Variants in CHRM3 observed in about 807,000 individuals in gnomAD.
CHRM3 encodes cholinergic receptor muscarinic 3.
Under a neutral mutation model 41.8 loss-of-function variants are expected in CHRM3, and 11 were observed. The observed-to-expected ratio is 0.26, with a 90% CI of 0.17 to 0.44. The LOEUF (loss-of-function observed/expected upper bound fraction) is 0.44. Ranked by LOEUF, CHRM3 falls within the 20% of genes least tolerant of loss-of-function variation. CHRM3 has a pLI of 1.00. For synonymous variants in CHRM3, 297 were observed against 301.4 expected (o/e 0.99, Z 0.15); for missense variants, 571 against 745.4 (o/e 0.77, Z 2.72).
intron 3 of CHRM3, among the ~76,000 whole-genome samples, chr1:239,548,564 T>C (rs1659510130): frequency 6.6e-6 from 1 of 152,250 alleles, no homozygotes; most frequent in South Asian, 2.1e-4. Context: ...TCAGCCTTTA[T>C]AGATTTTTCC....
At chr1:239,398,595 A>G (rs1455563140) in intron 1 of CHRM3, among the ~76,000 whole-genome samples, 1 of 152,182 alleles carries the variant, frequency 6.6e-6, no homozygotes, top group Non-Finnish European at 1.5e-5. Context: ...GTCCATTGGT[A>G]TAGTTAATAT....
intron 6 of CHRM3, among the ~76,000 whole-genome samples, chr1:239,881,305 A>AAAAAAAAAAT: frequency 6.6e-6 from 1 of 150,392 alleles, no homozygotes; most frequent in Non-Finnish European, 1.5e-5. Flanking sequence ...AAAAAAAAAA[A>AAAAAAAAAAT]AGAATACAAT....
chr1:239,880,577 C>A (rs1425093109), intron 6 of CHRM3, among the ~76,000 whole-genome samples: 1 of 152,182 alleles, frequency 6.6e-6, no homozygotes, highest in Admixed American at 6.5e-5. Context: ...TTCACTGAGG[C>A]CGCTAACTCC....
intron 2 of CHRM3, among the ~76,000 whole-genome samples, chr1:239,511,615 A>G (rs1004900043): frequency 6.6e-6 from 1 of 152,198 alleles, no homozygotes; most frequent in Non-Finnish European, 1.5e-5. Context: ...AATTAGGCTC[A>G]CTTGTTTGGG....
intron 3 of CHRM3, among the ~76,000 whole-genome samples, chr1:239,610,888 C>T (rs1046251144): frequency 1.3e-5 from 2 of 152,072 alleles, no homozygotes; most frequent in African/African-American, 2.4e-5. Context: ...CCCGTCTCTA[C>T]TAAAAATACA....
intron 5 of CHRM3, among the ~76,000 whole-genome samples, chr1:239,788,947 T>TA (rs1421935861): frequency 3.3e-5 from 5 of 152,246 alleles, no homozygotes; most frequent in East Asian, 1.9e-4. Context: ...TTATATAACT[T>TA]ACAAACTCTA....
chr1:239,866,259 C>T (rs1676090889), intron 6 of CHRM3, among the ~76,000 whole-genome samples: 1 of 152,076 alleles, frequency 6.6e-6, no homozygotes, highest in African/African-American at 2.4e-5. Context: ...CACCTGTAGT[C>T]CCAGCTACTC....
At chr1:239,474,231 A>G (rs1295944034) in intron 1 of CHRM3, among the ~76,000 whole-genome samples, 1 of 152,078 alleles carries the variant, frequency 6.6e-6, no homozygotes, top group Non-Finnish European at 1.5e-5. Flanking sequence ...TAACTAGCAA[A>G]CTTACGTTGA....
intron 4 of CHRM3, among the ~76,000 whole-genome samples, chr1:239,643,665 G>T (rs113295308): frequency 6.6e-6 from 1 of 152,176 alleles, no homozygotes; most frequent in South Asian, 2.1e-4. Context: ...TCCAGATGCC[G>T]TCTGTCACCC....
chr1:239,847,122 C>T (rs1674330452), intron 6 of CHRM3, among the ~76,000 whole-genome samples: 1 of 152,122 alleles, frequency 6.6e-6, no homozygotes, highest in Non-Finnish European at 1.5e-5. Flanking sequence ...GGAGCTCCAC[C>T]CATCACATCT....
chr1:239,690,062 GA>G (rs797019323), intron 5 of CHRM3, among the ~76,000 whole-genome samples: 2 of 73,268 alleles, frequency 2.7e-5, no homozygotes, highest in Admixed American at 1.4e-4. Context: ...GAGAGAGAGA[GA>G]GAGACAGAGA....
At chr1:239,709,361 C>T (rs1044105983) in intron 5 of CHRM3, among the ~76,000 whole-genome samples, 14 of 152,284 alleles carry the variant, frequency 9.2e-5, no homozygotes, top group African/African-American at 2.9e-4. Flanking sequence ...TACCGACCGC[C>T]GTGTCTAAAA....
chr1:239,829,354 C>T (rs1248485201), intron 6 of CHRM3, among the ~76,000 whole-genome samples: 3 of 151,970 alleles, frequency 2.0e-5, no homozygotes, highest in Non-Finnish European at 4.4e-5. Context: ...GTTGGTACAG[C>T]CCCCTGGGAC....
At chr1:239,766,093 C>T (rs980033270) in intron 5 of CHRM3, among the ~76,000 whole-genome samples, 1 of 152,104 alleles carries the variant, frequency 6.6e-6, no homozygotes, top group African/African-American at 2.4e-5. Flanking sequence ...GGATTACAGG[C>T]ATGAGACACC....
intron 3 of CHRM3, among the ~76,000 whole-genome samples, chr1:239,548,462 G>A (rs145361655): frequency 7.2e-5 from 11 of 152,294 alleles, no homozygotes; most frequent in East Asian, 1.9e-4. Context: ...TGACTTATCT[G>A]ACTTGCTTAT....
chr1:239,771,571 GC>G (rs1356504869), intron 5 of CHRM3, among the ~76,000 whole-genome samples: 1 of 152,208 alleles, frequency 6.6e-6, no homozygotes, highest in East Asian at 1.9e-4. Flanking sequence ...GGACGTCAAG[GC>G]AGAAATGATG....
chr1:239,731,573 A>C (rs1277052050), intron 5 of CHRM3, among the ~76,000 whole-genome samples: 2 of 152,042 alleles, frequency 1.3e-5, no homozygotes, highest in Middle Eastern at 3.4e-3. Flanking sequence ...AGAGAAAGGA[A>C]GAGGGAGAGA....
intron 5 of CHRM3, among the ~76,000 whole-genome samples, chr1:239,685,776 C>T (rs973130601): frequency 7.2e-5 from 11 of 152,150 alleles, no homozygotes; most frequent in Non-Finnish European, 1.3e-4. Flanking sequence ...GAGCTGAGAT[C>T]GTGCCATTGC....
intron 6 of CHRM3, among the ~76,000 whole-genome samples, chr1:239,871,272 T>G (rs1007094288): frequency 1.3e-5 from 2 of 152,176 alleles, no homozygotes; most frequent in African/African-American, 2.4e-5. Context: ...AGATGGAGTC[T>G]CGCTCTGTTG....
Sources: allele counts gnomAD v4.1 joint callset (sites outside exome capture counted in the v4.1 genomes callset), GRCh38; gene constraint gnomAD v4.1.1; transcripts MANE v1.5; gene names NCBI Gene and HGNC (gene_info 2026-07-23, HGNC 2026-07-21).